NID1: variants seen among roughly 807,000 people sequenced by gnomAD.
NID1 encodes nidogen 1.
Under a neutral mutation model 130.6 loss-of-function variants are expected in NID1, and 76 were observed. The ratio of observed to expected loss-of-function variants is 0.58; its 90% CI spans 0.48 to 0.70. The LOEUF is 0.70. Among genes scored for constraint, NID1 ranks in the 30% least tolerant of loss-of-function variants. NID1 has a pLI of 0.00. For missense variants in NID1, 1,517 were observed against 1,664.8 expected, an observed-to-expected ratio of 0.91 and a Z score of 1.54; for synonymous variants, 665 against 675.1, an observed-to-expected ratio of 0.98 and a Z score of 0.23.
chr1:236,023,529 C>G (rs1173770150), intron 9 of NID1, among the ~76,000 whole-genome samples: 1 of 152,142 alleles, frequency 6.6e-6, no homozygotes, highest in Non-Finnish European at 1.5e-5. Flanking sequence ...TGGAGATGAA[C>G]AGTGGTGATG....
chr1:236,025,971 T>G lies in NID1; in HGVS notation c.1909A>C (p.Ser637Arg), dbSNP rs1199717549. 5 of 1,612,662 alleles carry G rather than the reference T, an allele frequency of 3.1e-6. No homozygotes were observed. The highest frequency in any genetic ancestry group is 4.2e-6 in the Non-Finnish European group (5 of 1,179,566). ...TCCTGGTTGTACAGGACGAACACGC[T>G]GTCCACCGAGAGCTGCTGGGTGCTG... is the stretch of plus-strand genomic sequence containing the variant. ...LPSTQQLSVD[S>R]VFVLYNQEEK... The change falls in exon 8 of 20, where the codon AGC becomes CGC. Residue 637 changes from serine to arginine, a missense_variant. This residue lies in a region of NID1 where 1,329 missense variants were observed against 1,429.2 expected (regional missense o/e 0.93). Transcript: ENST00000264187.
chr1:235,988,680 C>A (rs2102797239), intron 14 of NID1, among the ~76,000 whole-genome samples: 1 of 152,262 alleles, frequency 6.6e-6, no homozygotes, highest in African/African-American at 2.4e-5. Context: ...AATGGGATTT[C>A]AGCCTTAAGA....
At chr1:236,062,045 A>T (rs111916471) in intron 1 of NID1, among the ~76,000 whole-genome samples, 4,203 of 152,324 alleles carry the variant, frequency 0.028, 138 homozygotes, top group African/African-American at 0.084. Flanking sequence ...ACATAGAGTT[A>T]CCATATGACC....
At chr1:236,051,709 C>T (rs949432556) in intron 1 of NID1, among the ~76,000 whole-genome samples, 4 of 152,162 alleles carry the variant, frequency 2.6e-5, no homozygotes, top group African/African-American at 7.2e-5. Flanking sequence ...CGTGTGGGAG[C>T]GTGGGAAACG....
intron 13 of NID1, among the ~76,000 whole-genome samples, chr1:235,993,129 A>G (rs1407519290): frequency 2.0e-5 from 3 of 152,182 alleles, no homozygotes; most frequent in African/African-American, 7.2e-5. Context: ...TTGGAAAATC[A>G]ACCCAAGTAA....
At chr1:236,022,547 C>G (rs2102823909) in intron 9 of NID1, among the ~76,000 whole-genome samples, 1 of 150,092 alleles carries the variant, frequency 6.7e-6, no homozygotes. Flanking sequence ...ACCATGTTGG[C>G]CAGGCTGGTC....
Position 236,013,477 on chromosome 1 carries a change from T to TGTA in NID1, c.2335_2337dup (p.Tyr779dup). The TGTA allele has an allele frequency of 6.2e-7, 1 of 1,614,096 alleles. No individual in the cohort carries two copies. ...GAACAGGTGTAGGAGGAGCCTCCTG[T>TGTA]GTAGATACACTGGGCCCGCTGGGGT... On this transcript the variant is annotated inframe_insertion, in exon 11 of 20. Transcript: ENST00000264187.
intron 12 of NID1, among the ~76,000 whole-genome samples, chr1:236,002,267 A>C (rs10754828): frequency 0.65 from 98,286 of 152,124 alleles, 33,087 homozygotes; most frequent in African/African-American, 0.82. Context: ...CTCTGGAAAG[A>C]TGAGGCAGGC....
intron 3 of NID1, among the ~76,000 whole-genome samples, 158 bp from the exon 4 acceptor site, chr1:236,042,450 G>T (rs540895832): frequency 6.6e-6 from 1 of 152,182 alleles, no homozygotes; most frequent in Non-Finnish European, 1.5e-5. Flanking sequence ...ATGTCTGGGC[G>T]TCATGTGGCT....
chr1:235,991,982 T>C (rs1183042972), intron 13 of NID1, among the ~76,000 whole-genome samples: 3 of 152,110 alleles, frequency 2.0e-5, no homozygotes. Context: ...AGGCTTGCCT[T>C]CCTATCTCCT....
At chr1:236,023,884 CA>C (rs1658842588) in intron 9 of NID1, among the ~76,000 whole-genome samples, 185 bp downstream of exon 9, 1 of 152,156 alleles carries the variant, frequency 6.6e-6, no homozygotes, top group Admixed American at 6.6e-5. Flanking sequence ...AAGAATGGGC[CA>C]GTACTCCCGA....
At position 236,042,099 on chromosome 1, in the gene NID1, T is replaced by C; in HGVS notation, c.946A>G (p.Lys316Glu). Residue 316 changes from lysine to glutamate, a missense_variant, in exon 4 of 20, where the codon AAG (lysine) becomes GAG (glutamate). This residue lies in a region of NID1 where 1,329 missense variants were observed against 1,429.2 expected (regional missense o/e 0.93). Transcript: ENST00000264187. ...EDVGTTPFSY[K>E]ALRRGGADTY... ...TCAGCACCTCCCCTTCTCAGAGCCT[T>C]GTAGGAGAAGGGCGTGGTGCCCACA... 1 of 1,614,070 alleles carries C rather than the reference T, an allele frequency of 6.2e-7. No homozygotes were observed. Among genetic ancestry groups the C allele is most frequent in the Non-Finnish European group, 8.5e-7 (1 of 1,180,016 alleles).
At chr1:236,038,577 G>A (rs1424755690) in intron 4 of NID1, among the ~76,000 whole-genome samples, 1 of 151,848 alleles carries the variant, frequency 6.6e-6, no homozygotes, top group Non-Finnish European at 1.5e-5. Flanking sequence ...CTATCCAATA[G>A]CAATCTCAGG....
chr1:236,017,272 A>G lies in NID1; in HGVS notation c.2130T>C (p.Asp710=), dbSNP rs1658626653. The G allele has an allele frequency of 3.7e-6, 6 of 1,613,422 alleles. No homozygotes were observed. Among genetic ancestry groups the G allele is most frequent in the Non-Finnish European group, 5.1e-6 (6 of 1,179,842 alleles). The part of the protein sequence containing the change: ...GFRGDGRTCY[D]IDECSEQPSV... ...AGGGTTGTTCTGAACATTCATCAAT[A>G]TCTGCAGCAAAAATTTTTTTTTACT... Residue 710 remains aspartate (D), a splice_region_variant and synonymous_variant, in exon 10 of 20, where the codon GAT becomes GAC. Coordinates refer to ENST00000264187, the MANE Select transcript of NID1 (RefSeq NM_002508.3).
At chr1:236,023,924 G>T in intron 9 of NID1, 146 bp downstream of exon 9, 1 of 1,039,196 alleles carries the variant, frequency 9.6e-7, no homozygotes, top group Non-Finnish European at 1.4e-6. Context: ...TGAATGTGAA[G>T]CATAAATAAT....
In NID1 at chr1:236,013,551, T is replaced by C; in HGVS notation, c.2264A>G (p.Asp755Gly). The C allele has an allele frequency of 6.2e-7, 1 of 1,614,112 alleles. No individual in the cohort carries two copies. Among genetic ancestry groups the C allele is most frequent in the Non-Finnish European group, 8.5e-7 (1 of 1,180,012 alleles). Residue 755 changes from aspartate (D) to glycine (G), a missense_variant, in exon 11 of 20, where the codon GAC (aspartate) becomes GGC (glycine). Physicochemically the swap from Asp to Gly is moderately conservative, Grantham distance 94 (BLOSUM62 -1). Around this residue, in one of 3 missense-constraint regions of NID1, gnomAD observed 1,329 missense variants for 1,429.2 expected, o/e 0.93. Transcript: ENST00000264187. ...TTCACAGTAGTTGATGGGGCGCTGG[T>C]CCACGACAGCTTCAGAACAAAAGGT... is the stretch of plus-strand genomic sequence containing the variant. ...SDEGTCVAVV[D>G]QRPINYCETG...
intron 10 of NID1, among the ~76,000 whole-genome samples, chr1:236,015,760 T>C (rs75495645): frequency 0.018 from 2,693 of 151,664 alleles, 88 homozygotes; most frequent in African/African-American, 0.062. Context: ...AAGAGCTCCA[T>C]GGGTCACAGG....
At chr1:236,041,751 C>A (rs1207375248) in intron 4 of NID1, among the ~76,000 whole-genome samples, 159 bp downstream of exon 4, 1 of 152,186 alleles carries the variant, frequency 6.6e-6, no homozygotes. Context: ...CATATAACAC[C>A]AAGGCTCCAC....
intron 3 of NID1, among the ~76,000 whole-genome samples, chr1:236,043,830 C>A (rs1659524346): frequency 6.6e-6 from 1 of 152,058 alleles, no homozygotes; most frequent in Admixed American, 6.6e-5. Context: ...AAAAAGAAAT[C>A]CCAACTCCAT....
Sources: allele counts gnomAD v4.1 joint callset (sites outside exome capture counted in the v4.1 genomes callset), GRCh38; gene constraint gnomAD v4.1.1; regional missense constraint gnomAD v4.1.1; transcripts MANE v1.5; gene names NCBI Gene and HGNC (gene_info 2026-07-23, HGNC 2026-07-21).